Variants in XRN1 observed in about 807,000 individuals in gnomAD.
The protein encoded by XRN1 is 5'-3' exoribonuclease 1, also known as strand-exchange protein 1 homolog.
In XRN1, 67 loss-of-function variants were observed where a neutral mutation model predicts 222.3. The ratio of observed to expected loss-of-function variants is 0.30; its 90% CI spans 0.25 to 0.37. XRN1 has a LOEUF of 0.37. Among genes scored for constraint, XRN1 ranks in the 10% least tolerant of loss-of-function variants. The pLI is 1.00. For missense variants in XRN1, 1,707 were observed against 2,000.2 expected (o/e 0.85, Z 2.80); for synonymous variants, 643 against 652.4 (o/e 0.99, Z 0.22).
At chr3:142,439,276 C>G (rs1465048640) in intron 1 of XRN1, among the ~76,000 whole-genome samples, 1 of 152,150 alleles carries the variant, frequency 6.6e-6, no homozygotes. Flanking sequence ...TTGGCAATCT[C>G]TGGTATCTCA....
At chr3:142,353,911 C>T (rs1446801088) in intron 32 of XRN1, among the ~76,000 whole-genome samples, 3 of 151,956 alleles carry the variant, frequency 2.0e-5, no homozygotes, top group Non-Finnish European at 2.9e-5. Flanking sequence ...AGAAAATATT[C>T]GCAAACTGTG....
In XRN1 at chr3:142,359,899, A is replaced by G; in HGVS notation, c.3427T>C (p.Leu1143=). The G allele has an allele frequency of 6.2e-7, 1 of 1,605,960 alleles. No individual in the cohort carries two copies. The highest frequency in any genetic ancestry group is 1.3e-5 in the African/African-American group (1 of 74,748). ...CCTCCAGGAAATTCTTCATCAAATA[A>G]TACTTCAAATAGTACATCGGCTTCT... The part of the protein sequence containing the change: ...NREADVLFEV[L]FDEEFPGGLT... The change falls in exon 30 of 41, where the codon TTA becomes CTA. Residue 1143 remains leucine, a synonymous_variant. Coordinates refer to ENST00000392981, the MANE Select transcript of XRN1 (RefSeq NM_001282857.2).
intron 32 of XRN1, among the ~76,000 whole-genome samples, chr3:142,350,403 G>A (rs2066272305): frequency 6.6e-6 from 1 of 152,146 alleles, no homozygotes; most frequent in Non-Finnish European, 1.5e-5. Context: ...TAGCAAAAAT[G>A]TGAGTTATAG....
At chr3:142,435,241 C>T (rs1239373184) in intron 1 of XRN1, 1 of 151,288 alleles carries the variant, frequency 6.6e-6, no homozygotes, top group Non-Finnish European at 1.5e-5. Context: ...TAAAAAAATA[C>T]AAAAAAATTA....
At position 142,340,462 on chromosome 3, in the gene XRN1, T is replaced by C. The variant is rs572620735; in HGVS notation, c.3878-4953A>G. Among the ~76,000 whole-genome samples, 3 of 151,452 alleles carry C rather than the reference T, an allele frequency of 2.0e-5. No homozygotes were observed. The South Asian group carries it at 6.2e-4, about 32-fold the overall frequency. Reference sequence around the variant, plus strand: ...CCTCAAAAGGGCAAATCTAAGATTATTAGCCTTAAAGAGAAGGTAGAGAAA... The same window carrying C: ...CCTCAAAAGGGCAAATCTAAGATTACTAGCCTTAAAGAGAAGGTAGAGAAA... On this transcript the variant is annotated intron_variant, in intron 33 of 40. Transcript: ENST00000392981.
chr3:142,312,343 T>C (rs947092523), intron 40 of XRN1, among the ~76,000 whole-genome samples: 13 of 152,118 alleles, frequency 8.5e-5, no homozygotes, highest in African/African-American at 3.1e-4. Context: ...TTGAAAATAT[T>C]TGTGATTTTA....
At chr3:142,368,364 G>C (rs944334434) in intron 27 of XRN1, among the ~76,000 whole-genome samples, 61 of 152,204 alleles carry the variant, frequency 4.0e-4, no homozygotes, top group African/African-American at 1.5e-3. Context: ...GGCCAGGCTG[G>C]TCTCGAACTC....
At chr3:142,350,232 G>C (rs928628609) in intron 32 of XRN1, among the ~76,000 whole-genome samples, 1 of 152,130 alleles carries the variant, frequency 6.6e-6, no homozygotes, top group African/African-American at 2.4e-5. Context: ...AAAGACCTTA[G>C]AGGTCATCTA....
intron 39 of XRN1, among the ~76,000 whole-genome samples, chr3:142,314,891 T>G (rs1226412052): frequency 4.3e-5 from 4 of 93,508 alleles, no homozygotes; most frequent in Middle Eastern, 0.014. Context: ...GGTGACAGAG[T>G]GGGACTCTGT....
intron 14 of XRN1, 112 bp from the exon 15 acceptor site, chr3:142,412,775 C>T (rs2068636012): frequency 3.2e-6 from 3 of 924,308 alleles, no homozygotes; most frequent in African/African-American, 1.7e-5. Flanking sequence ...CTAAGCAAAG[C>T]AAACTAAATT....
At chr3:142,406,216 T>C (rs2068331187) in intron 15 of XRN1, among the ~76,000 whole-genome samples, 1 of 152,244 alleles carries the variant, frequency 6.6e-6, no homozygotes, top group African/African-American at 2.4e-5. Flanking sequence ...TATAGCCATC[T>C]GATTTTTGAC....
chr3:142,414,104 G>T, intron 14 of XRN1, 31 bp downstream of exon 14: 1 of 1,550,748 alleles, frequency 6.4e-7, no homozygotes, highest in South Asian at 1.2e-5. Context: ...ATATCAAAAA[G>T]GACATAAAAA....
Position 142,365,110 on chromosome 3 carries a change from T to G in XRN1, c.3331A>C (p.Asn1111His). The change falls in exon 29 of 41, where the codon AAT becomes CAT. Residue 1111 changes from asparagine (N) to histidine (H), a missense_variant. This residue lies in a region of XRN1 where 1,234 missense variants were observed against 1,518.2 expected (regional missense o/e 0.81). Transcript: ENST00000392981. Reference protein sequence around the residue: ...AEFCLFDRVVNVRENFSVPVG... With the variant: ...AEFCLFDRVVHVRENFSVPVG... The stretch of plus-strand genomic sequence containing the variant: ...GGAACTGAGAAGTTTTCTCTCACAT[T>G]TACAACACGGTCAAAAAGACAAAAT... The G allele has an allele frequency of 6.2e-7, 1 of 1,613,506 alleles. No individual in the cohort carries two copies. The highest frequency in any genetic ancestry group is 8.5e-7 in the Non-Finnish European group (1 of 1,179,682).
intron 1 of XRN1, among the ~76,000 whole-genome samples, chr3:142,436,504 G>A (rs750488576): frequency 3.9e-5 from 6 of 152,124 alleles, no homozygotes; most frequent in South Asian, 2.1e-4. Flanking sequence ...CACAAAGTAC[G>A]AATTAAAATT....
At chr3:142,327,354 T>C (rs1418844533) in intron 37 of XRN1, among the ~76,000 whole-genome samples, 1 of 150,892 alleles carries the variant, frequency 6.6e-6, no homozygotes, top group Non-Finnish European at 1.5e-5. Flanking sequence ...TCGGAATTCA[T>C]CCATTTCTTC....
At chr3:142,431,489 T>C (rs2069520985) in intron 2 of XRN1, among the ~76,000 whole-genome samples, 1 of 152,016 alleles carries the variant, frequency 6.6e-6, no homozygotes, top group African/African-American at 2.4e-5. Context: ...AAGACCAGCC[T>C]GGCCAACAGA....
intron 10 of XRN1, among the ~76,000 whole-genome samples, chr3:142,419,531 C>G (rs765317965): frequency 2.6e-5 from 4 of 152,078 alleles, no homozygotes; most frequent in African/African-American, 9.7e-5. Context: ...GAATCTTGGC[C>G]GGGCACGGTG....
intron 1 of XRN1, among the ~76,000 whole-genome samples, chr3:142,442,045 T>G (rs2070239986): frequency 1.3e-5 from 2 of 152,088 alleles, no homozygotes; most frequent in African/African-American, 4.8e-5. Flanking sequence ...ATCCCCTCAT[T>G]CCAGGAACTA....
At chr3:142,401,482 A>C (rs975408367) in intron 18 of XRN1, among the ~76,000 whole-genome samples, 1 of 152,146 alleles carries the variant, frequency 6.6e-6, no homozygotes, top group Non-Finnish European at 1.5e-5. Flanking sequence ...TGGGAGGCCG[A>C]GGCAGGTGGA....
Sources: allele counts gnomAD v4.1 joint callset (sites outside exome capture counted in the v4.1 genomes callset), GRCh38; gene constraint gnomAD v4.1.1; regional missense constraint gnomAD v4.1.1; transcripts MANE v1.5; gene names NCBI Gene and HGNC (gene_info 2026-07-23, HGNC 2026-07-21).